Variants in SETD7 observed in about 807,000 individuals in gnomAD.
SETD7 encodes the protein SET domain containing 7, histone lysine methyltransferase.
A neutral mutation model predicts 41.8 loss-of-function variants in SETD7; 16 were observed. That is an observed-to-expected ratio of 0.38 (90% CI 0.26 to 0.58). SETD7 has a LOEUF of 0.58. Ranked by LOEUF, SETD7 falls within the 20% of genes least tolerant of loss-of-function variation. SETD7 has a pLI of 0.64. For missense variants in SETD7, 346 were observed against 459.7 expected (o/e 0.75, Z 2.26); for synonymous variants, 163 against 169.7 (o/e 0.96, Z 0.31).
At chr4:139,493,964 T>C (rs1398584762), downstream of SETD7, among the ~76,000 whole-genome samples, 2 of 149,338 alleles carry the variant, frequency 1.3e-5, no homozygotes, top group African/African-American at 2.6e-5. Flanking sequence ...ACTCAGTGAC[T>C]GCCTGCCTCC....
At chr4:139,547,163 C>G in intron 1 of SETD7, 114 bp from the exon 2 acceptor site, 7 of 1,330,010 alleles carry the variant, frequency 5.3e-6, no homozygotes, top group Non-Finnish European at 7.2e-6. Context: ...CCTCCAGCTG[C>G]CAAAGGGTCC....
chr4:139,513,197 A>T (rs571812370), intron 7 of SETD7, among the ~76,000 whole-genome samples: 3 of 151,950 alleles, frequency 2.0e-5, no homozygotes, highest in Admixed American at 2.0e-4. Flanking sequence ...AGGGGGGTGG[A>T]TCACTTGAGG....
Position 139,523,340 on chromosome 4 carries a change from A to G in SETD7, c.644+14T>C. The G allele has an allele frequency of 1.3e-6, 2 of 1,591,658 alleles. No homozygotes were observed. The highest frequency in any genetic ancestry group is 8.6e-7 in the Non-Finnish European group (1 of 1,159,810). ...ACATAAACAGTGCAATTAAAACCCC[A>G]AGGAGGAAATTACCTTTCTGATTCA... is the stretch of plus-strand genomic sequence containing the variant. On this transcript the variant is annotated intron_variant, in intron 5 of 7. Coordinates refer to ENST00000274031, the MANE Select transcript of SETD7 (RefSeq NM_030648.4).
intron 7 of SETD7, among the ~76,000 whole-genome samples, chr4:139,516,015 C>T (rs1336877058): frequency 6.6e-6 from 1 of 152,070 alleles, no homozygotes; most frequent in Non-Finnish European, 1.5e-5. Flanking sequence ...AGATGTTTGG[C>T]TTTGGGAAGA....
At chr4:139,550,482 C>T (rs191120012) in intron 1 of SETD7, among the ~76,000 whole-genome samples, 3 of 152,264 alleles carry the variant, frequency 2.0e-5, no homozygotes, top group East Asian at 1.9e-4. Flanking sequence ...TCATTCGAGA[C>T]TTCCACTCTG....
intron 2 of SETD7, among the ~76,000 whole-genome samples, chr4:139,542,654 G>A (rs576234068): frequency 1.4e-4 from 22 of 151,876 alleles, no homozygotes; most frequent in African/African-American, 3.9e-4. Flanking sequence ...AAAAAAAAGC[G>A]GGGGGGAGCA....
downstream of SETD7, among the ~76,000 whole-genome samples, chr4:139,501,569 C>A (rs1726577625): frequency 6.6e-6 from 1 of 151,626 alleles, no homozygotes; most frequent in African/African-American, 2.4e-5. Context: ...CACTTGTACC[C>A]CAAAAGCTAT....
At chr4:139,549,277 G>A (rs1728044574) in intron 1 of SETD7, among the ~76,000 whole-genome samples, 1 of 152,134 alleles carries the variant, frequency 6.6e-6, no homozygotes, top group African/African-American at 2.4e-5. Flanking sequence ...TTTAGATTGA[G>A]AGAATTACAA....
At chr4:139,523,032 G>T (rs1294985547) in intron 5 of SETD7, among the ~76,000 whole-genome samples, 2 of 152,128 alleles carry the variant, frequency 1.3e-5, no homozygotes, top group African/African-American at 4.8e-5. Flanking sequence ...GGGACTGCAG[G>T]CATGAGCCAC....
Position 139,506,066 on chromosome 4 carries a change from T to C in SETD7, c.*5597A>G, listed in dbSNP as rs1726693561. 6.5e-6 allele frequency: 1 copy of C among 152,692 alleles called. No individual in the cohort carries two copies. Among genetic ancestry groups the C allele is most frequent in the Non-Finnish European group, 1.5e-5 (1 of 68,048 alleles). The allele number at this position is 152,692 out of a possible 1,614,324, so 9.5% of individuals were successfully genotyped here. A position where few individuals can be genotyped will look rare whatever the true frequency, so the allele number is the denominator to read the frequency against. ...TTGTATATTTTGTTTAATACTTGCA[T>C]TGTTTCTATAGCGCAATTATAGCAA... is the stretch of plus-strand genomic sequence containing the variant. On this transcript the variant is annotated 3_prime_UTR_variant, in exon 8 of 8. Transcript: ENST00000274031.
At chr4:139,502,694 C>T (rs1011027909), downstream of SETD7, among the ~76,000 whole-genome samples, 7 of 152,198 alleles carry the variant, frequency 4.6e-5, no homozygotes, top group African/African-American at 1.7e-4. Flanking sequence ...CCACACAACC[C>T]TCCCTCTGCC....
intron 2 of SETD7, 69 bp downstream of exon 2, chr4:139,546,851 G>A (rs148352229): frequency 2.1e-4 from 335 of 1,594,494 alleles, no homozygotes; most frequent in Non-Finnish European, 2.6e-4. Context: ...GAATTCTTTC[G>A]TTTGTATTAG....
chr4:139,512,834 T>G (rs1442471423), intron 7 of SETD7, among the ~76,000 whole-genome samples: 1 of 135,566 alleles, frequency 7.4e-6, no homozygotes, highest in Non-Finnish European at 1.5e-5. Flanking sequence ...CTTGGCTCAC[T>G]GCAACTTCCA....
chr4:139,517,821 T>G, intron 7 of SETD7, 64 bp downstream of exon 7: 1 of 1,506,656 alleles, frequency 6.6e-7, no homozygotes, highest in Non-Finnish European at 9.0e-7. Flanking sequence ...CACTTTTTAC[T>G]GCCCTCCTCC....
downstream of SETD7, among the ~76,000 whole-genome samples, chr4:139,503,280 A>G (rs970123368): frequency 6.6e-6 from 1 of 151,274 alleles, no homozygotes; most frequent in Non-Finnish European, 1.5e-5. Flanking sequence ...GGCTAAGTGG[A>G]TGATGATCAA....
At chr4:139,525,120 A>C (rs1727289395) in intron 4 of SETD7, among the ~76,000 whole-genome samples, 1 of 152,212 alleles carries the variant, frequency 6.6e-6, no homozygotes, top group Non-Finnish European at 1.5e-5. Context: ...CCCAGCCGTC[A>C]CTTTTTATAA....
At chr4:139,516,622 T>A (rs1224866936) in intron 7 of SETD7, among the ~76,000 whole-genome samples, 1 of 152,128 alleles carries the variant, frequency 6.6e-6, no homozygotes, top group East Asian at 1.9e-4. Context: ...AGAGGTTCAA[T>A]GAGCAGATGG....
intron 2 of SETD7, among the ~76,000 whole-genome samples, chr4:139,534,428 C>T (rs1318068804): frequency 6.6e-6 from 1 of 151,926 alleles, no homozygotes; most frequent in African/African-American, 2.4e-5. Context: ...TGCTCTATTG[C>T]CCAGGCTGGA....
chr4:139,500,475 T>C (rs1040207312), intron 7 of SETD7, among the ~76,000 whole-genome samples: 3 of 152,250 alleles, frequency 2.0e-5, no homozygotes, highest in African/African-American at 4.8e-5. Flanking sequence ...GAAACTGTAG[T>C]AAACTAAGTT....
Sources: allele counts gnomAD v4.1 joint callset (sites outside exome capture counted in the v4.1 genomes callset), GRCh38; gene constraint gnomAD v4.1.1; transcripts MANE v1.5; gene names NCBI Gene and HGNC (gene_info 2026-07-23, HGNC 2026-07-21).